SHANK2: variants seen among roughly 807,000 people sequenced by gnomAD.
The protein encoded by SHANK2 is SH3 and multiple ankyrin repeat domains protein 2.
Under a neutral mutation model 133.7 loss-of-function variants are expected in SHANK2, and 43 were observed. The ratio of observed to expected loss-of-function variants is 0.32; its 90% CI spans 0.25 to 0.41. The LOEUF (loss-of-function observed/expected upper bound fraction) is 0.41, where lower values mean the gene tolerates loss of function less well. SHANK2 is among the 10% of genes least tolerant of loss of function. The pLI, the probability that SHANK2 is intolerant of heterozygous loss-of-function variation, is 1.00. For synonymous variants in SHANK2, 1,017 were observed against 952.8 expected, an observed-to-expected ratio of 1.07 and a Z score of -1.24; for missense variants, 1,994 against 2,235.8, an observed-to-expected ratio of 0.89 and a Z score of 2.18.
chr11:70,688,518 C>T (rs1191749114), intron 15 of SHANK2, among the ~76,000 whole-genome samples: 3 of 152,236 alleles, frequency 2.0e-5, no homozygotes, highest in African/African-American at 7.2e-5. Context: ...ACCCACTGTG[C>T]ACCCAGGAAA....
chr11:70,556,600 T>TC (rs1292718269), intron 17 of SHANK2, among the ~76,000 whole-genome samples: 1 of 150,620 alleles, frequency 6.6e-6, no homozygotes, highest in Non-Finnish European at 1.5e-5. Flanking sequence ...CTTTTTTTTT[T>TC]TTTTTTCTTG....
intron 14 of SHANK2, among the ~76,000 whole-genome samples, chr11:70,748,520 A>G (rs1436401634): frequency 3.3e-5 from 5 of 152,184 alleles, no homozygotes; most frequent in African/African-American, 1.2e-4. Context: ...GCCAGTGCCC[A>G]AAGGGGGCCC....
rs911149757 is a variant in SHANK2 at position 70,549,614 on chromosome 11, T to C, written c.2062-46683A>G. On this transcript the variant is annotated intron_variant, in intron 17 of 25. Coordinates refer to ENST00000601538, the MANE Select transcript of SHANK2 (RefSeq NM_012309.5). ...TCAGAAGCTGGGCTCAGCTGGGAAGTGACCCGAGGTCCCCGGCCAGGGACT... is the reference window on the plus strand; with the variant it reads ...TCAGAAGCTGGGCTCAGCTGGGAAGCGACCCGAGGTCCCCGGCCAGGGACT... Among the ~76,000 whole-genome samples the C allele has an allele frequency of 1.1e-4, 17 of 152,090 alleles. No individual in the cohort carries two copies. The East Asian group carries it at 3.3e-3, about 29-fold the overall frequency.
chr11:70,772,032 C>T (rs1038484291), intron 14 of SHANK2, among the ~76,000 whole-genome samples: 8 of 152,028 alleles, frequency 5.3e-5, no homozygotes, highest in Non-Finnish European at 8.8e-5. Flanking sequence ...GCTGTGAGAC[C>T]CCGGGCAAAA....
rs150101815 is a variant in SHANK2, at chr11:70,735,474, G to C, written c.1778-36711C>G. The stretch of plus-strand genomic sequence containing the variant: ...TAATCCCAGCACTTTGCGATGCTGA[G>C]ACAGGCAGATCACGAGGTCAGGAGT... On this transcript the variant is annotated intron_variant, in intron 14 of 25. Coordinates refer to ENST00000601538, the MANE Select transcript of SHANK2 (RefSeq NM_012309.5). 2.4e-3 allele frequency among the ~76,000 whole-genome samples: 373 copies of C among 152,256 alleles called. 1 individual carries two copies. Among genetic ancestry groups the C allele is most frequent in the African/African-American group, 8.8e-3 (366 of 41,556 alleles).
intron 10 of SHANK2, among the ~76,000 whole-genome samples, chr11:70,951,757 G>C (rs527266172): frequency 2.0e-5 from 3 of 152,346 alleles, no homozygotes; most frequent in South Asian, 4.1e-4. Context: ...GGTGTTGGCA[G>C]GGCTGCCCAC....
At chr11:70,917,472 G>C (rs1418952880) in intron 10 of SHANK2, among the ~76,000 whole-genome samples, 1 of 152,172 alleles carries the variant, frequency 6.6e-6, no homozygotes, top group African/African-American at 2.4e-5. Context: ...CCTAAAGACA[G>C]AAATGCCATT....
At position 70,502,784 on chromosome 11, in the gene SHANK2, TG is replaced by T; in HGVS notation, c.2197+11del. 8.2e-7 allele frequency: 1 copy of T among 1,214,656 alleles called. No individual in the cohort carries two copies. The allele number at this position is 1,214,656 out of a possible 1,614,324, so 75.2% of individuals were successfully genotyped here. A position where few individuals can be genotyped will look rare whatever the true frequency, so the allele number is the denominator to read the frequency against. ...GGCCCCAGGCTGGAGCTGGGCGATG[TG>T]GGGCATGTACCTTTCTTCCTGGCGG... On this transcript the variant is annotated intron_variant, in intron 18 of 25. Transcript: ENST00000601538.
intron 2 of SHANK2, among the ~76,000 whole-genome samples, chr11:71,181,877 T>C (rs919818420): frequency 6.5e-5 from 9 of 138,508 alleles, no homozygotes; most frequent in Non-Finnish European, 1.4e-4. Context: ...GGGGAACAAG[T>C]GGGAAGAAGA....
chr11:71,168,749 T>C (rs1474237800), intron 2 of SHANK2, among the ~76,000 whole-genome samples: 1 of 151,898 alleles, frequency 6.6e-6, no homozygotes, highest in Non-Finnish European at 1.5e-5. Context: ...CAGGCAGCAG[T>C]ACCGTCCAGC....
At chr11:70,945,422 G>GC (rs1313088641) in intron 10 of SHANK2, among the ~76,000 whole-genome samples, 1 of 152,176 alleles carries the variant, frequency 6.6e-6, no homozygotes, top group Non-Finnish European at 1.5e-5. Context: ...GCTGTTATCA[G>GC]CCACACCTAC....
chr11:70,528,934 C>A (rs529775065), intron 17 of SHANK2, among the ~76,000 whole-genome samples: 9 of 152,084 alleles, frequency 5.9e-5, no homozygotes, highest in Non-Finnish European at 1.0e-4. Context: ...CTGGGGAGGC[C>A]CCCGTGACGA....
Position 70,954,151 on chromosome 11 carries a change from G to A in SHANK2, c.1108-57584C>T, listed in dbSNP as rs145937594. On this transcript the variant is annotated intron_variant, in intron 10 of 25. Coordinates refer to ENST00000601538, the MANE Select transcript of SHANK2 (RefSeq NM_012309.5). ...GCCATGACCTTGTTCCCACATCCAC[G>A]TGGATTTCCACAAAACAGGGAAGGC... Among the ~76,000 whole-genome samples, 23 of 152,354 alleles carry A rather than the reference G, an allele frequency of 1.5e-4. No homozygotes were observed. In the South Asian group the frequency reaches 2.9e-3, roughly 19 times the overall value.
At chr11:71,078,278 C>T (rs1951247387) in intron 8 of SHANK2, among the ~76,000 whole-genome samples, 1 of 151,884 alleles carries the variant, frequency 6.6e-6, no homozygotes, top group Admixed American at 6.6e-5. Flanking sequence ...ATTATTACCT[C>T]CTGAATAAAG....
At chr11:70,636,939 C>T (rs2061109312) in intron 17 of SHANK2, among the ~76,000 whole-genome samples, 1 of 151,984 alleles carries the variant, frequency 6.6e-6, no homozygotes, top group African/African-American at 2.4e-5. Context: ...GTTGTCACGA[C>T]AAATCACCGC....
intron 17 of SHANK2, among the ~76,000 whole-genome samples, chr11:70,614,312 G>GTT (rs150637798): frequency 0.21 from 30,590 of 146,730 alleles, 3,578 homozygotes; most frequent in Non-Finnish European, 0.27. Flanking sequence ...CAGTCTGTGG[G>GTT]TTTTGTTTTT....
At chr11:70,942,569 G>A (rs1555084562) in intron 10 of SHANK2, 1 of 456,628 alleles carries the variant, frequency 2.2e-6, no homozygotes, top group Admixed American at 2.3e-5. Flanking sequence ...GAGATTTGGT[G>A]GGGACAAGCG....
chr11:71,155,114 AG>A (rs1555108858), intron 2 of SHANK2, among the ~76,000 whole-genome samples: 7 of 116,082 alleles, frequency 6.0e-5, no homozygotes, highest in East Asian at 2.9e-4. Flanking sequence ...ACGCTCCCGG[AG>A]GAGGGGTGGA....
intron 15 of SHANK2, 78 bp downstream of exon 15, chr11:70,698,610 A>C: frequency 1.4e-6 from 1 of 716,804 alleles, no homozygotes; most frequent in Non-Finnish European, 2.6e-6. Context: ...AGCTGCATGC[A>C]AGATGGTCCA....
Sources: allele counts gnomAD v4.1 joint callset (sites outside exome capture counted in the v4.1 genomes callset), GRCh38; gene constraint gnomAD v4.1.1; transcripts MANE v1.5; gene names NCBI Gene and HGNC (gene_info 2026-07-23, HGNC 2026-07-21).